The following NPAS3 variants were observed in gnomAD, a reference collection of about 807,000 sequenced individuals.
NPAS3 encodes neuronal PAS domain protein 3, also known as neuronal PAS domain-containing protein 3.
Under a neutral mutation model 73.1 loss-of-function variants are expected in NPAS3, and 14 were observed. The observed-to-expected ratio is 0.19, with a 90% CI of 0.13 to 0.30. The LOEUF (loss-of-function observed/expected upper bound fraction) is 0.30, where lower values mean the gene tolerates loss of function less well. Among genes scored for constraint, NPAS3 ranks in the 10% least tolerant of loss-of-function variants. The pLI, the probability that NPAS3 is intolerant of heterozygous loss-of-function variation, is 1.00. For missense variants in NPAS3, 1,096 were observed against 1,250.0 expected (o/e 0.88, Z 1.86); for synonymous variants, 620 against 541.5 (o/e 1.14, Z -2.01).
At chr14:33,082,816 G>A (rs947631959) in intron 2 of NPAS3, among the ~76,000 whole-genome samples, 1 of 152,088 alleles carries the variant, frequency 6.6e-6, no homozygotes, top group Non-Finnish European at 1.5e-5. Flanking sequence ...TTAATGCCCG[G>A]TTGTATTTAA....
chr14:33,233,354 A>G lies in NPAS3; in HGVS notation c.385+17928A>G, dbSNP rs555703307. 4.6e-5 allele frequency among the ~76,000 whole-genome samples: 7 copies of G among 152,278 alleles called. No homozygotes were observed. The South Asian group carries it at 1.5e-3, about 32-fold the overall frequency. On this transcript the variant is annotated intron_variant, in intron 3 of 11. Transcript: ENST00000356141. ...GTGGAAATTGAGGGAAAAGCACCTG[A>G]CTGGAAGTACTTTTAACTATATTAT...
chr14:33,439,448 C>A (rs2049137963), intron 4 of NPAS3, among the ~76,000 whole-genome samples: 1 of 152,214 alleles, frequency 6.6e-6, no homozygotes, highest in African/African-American at 2.4e-5. Context: ...ATTCTCTTCA[C>A]CATGGTCATA....
chr14:33,087,376 C>T (rs1384285154), intron 2 of NPAS3, among the ~76,000 whole-genome samples: 5 of 151,530 alleles, frequency 3.3e-5, no homozygotes, highest in Non-Finnish European at 2.9e-5. Flanking sequence ...TAATTTGATA[C>T]AGGATATTTG....
intron 2 of NPAS3, among the ~76,000 whole-genome samples, chr14:33,140,237 G>A (rs1205448914): frequency 1.3e-5 from 2 of 151,930 alleles, no homozygotes; most frequent in East Asian, 3.9e-4. Flanking sequence ...ACGAAAATGA[G>A]GAAAAACAAG....
intron 4 of NPAS3, among the ~76,000 whole-genome samples, chr14:33,549,142 A>AC (rs2054988148): frequency 6.6e-6 from 1 of 152,218 alleles, no homozygotes; most frequent in Admixed American, 6.5e-5. Flanking sequence ...GCTTTTTGAT[A>AC]CCCACAATCT....
At chr14:33,125,301 CG>C (rs956298616) in intron 2 of NPAS3, among the ~76,000 whole-genome samples, 2 of 151,932 alleles carry the variant, frequency 1.3e-5, no homozygotes, top group Non-Finnish European at 1.5e-5. Flanking sequence ...TGAAGTGTAA[CG>C]GAATTTATTT....
chr14:33,700,849 T>A (rs2060505744), intron 6 of NPAS3, among the ~76,000 whole-genome samples: 1 of 152,240 alleles, frequency 6.6e-6, no homozygotes, highest in African/African-American at 2.4e-5. Context: ...ACCACACGTT[T>A]AAACCCAGTG....
chr14:32,935,905 C>A (rs2035680970), upstream of NPAS3, among the ~76,000 whole-genome samples: 1 of 152,138 alleles, frequency 6.6e-6, no homozygotes, highest in African/African-American at 2.4e-5. Context: ...GTAAACTCCC[C>A]ATTTGTGGGG....
intron 3 of NPAS3, among the ~76,000 whole-genome samples, chr14:33,344,601 TG>T (rs1291001863): frequency 1.4e-4 from 21 of 152,250 alleles, no homozygotes; most frequent in African/African-American, 4.6e-4. Context: ...GCTTATGGAA[TG>T]ACATTCTATA....
intron 1 of NPAS3, among the ~76,000 whole-genome samples, chr14:32,964,765 C>T (rs1015799375): frequency 6.6e-6 from 1 of 151,568 alleles, no homozygotes; most frequent in Non-Finnish European, 1.5e-5. Context: ...TTGCCTGAAG[C>T]TGGGTTCAAG....
At chr14:33,469,625 T>C (rs537187827) in intron 4 of NPAS3, among the ~76,000 whole-genome samples, 1 of 152,274 alleles carries the variant, frequency 6.6e-6, no homozygotes, top group South Asian at 2.1e-4. Flanking sequence ...ATGTTCTTCT[T>C]TATAGCATGG....
At chr14:33,219,549 A>G (rs2139700203) in intron 3 of NPAS3, among the ~76,000 whole-genome samples, 2 of 152,328 alleles carry the variant, frequency 1.3e-5, no homozygotes, top group South Asian at 4.1e-4. Context: ...AAATTGACTG[A>G]ACACATTAGG....
rs76141817 is a variant in NPAS3, at chr14:33,553,698, G to A, written c.469-6423G>A. 4.4e-3 allele frequency among the ~76,000 whole-genome samples: 672 copies of A among 152,282 alleles called. 9 individuals are homozygous for A. The highest frequency in any genetic ancestry group is 0.015 in the African/African-American group (613 of 41,548). ...GTTAAATAAAGCCTAAACCTTTGAT[G>A]TGTGTGCTTTTATCCACTTTGAGAA... On this transcript the variant is annotated intron_variant, in intron 4 of 11. Coordinates refer to ENST00000356141, the Ensembl canonical transcript of NPAS3.
chr14:33,503,093 A>G (rs1485532451), intron 4 of NPAS3, among the ~76,000 whole-genome samples: 4 of 152,128 alleles, frequency 2.6e-5, no homozygotes, highest in Middle Eastern at 3.4e-3. Flanking sequence ...TTAAATTTCT[A>G]CAGTAATCAG....
intron 2 of NPAS3, among the ~76,000 whole-genome samples, chr14:33,146,676 C>T (rs548867973): frequency 1.3e-5 from 2 of 152,312 alleles, no homozygotes; most frequent in South Asian, 2.1e-4. Flanking sequence ...TCTTATTCAC[C>T]TTTGCAGTAC....
At chr14:33,144,402 T>C (rs1337381879) in intron 2 of NPAS3, among the ~76,000 whole-genome samples, 1 of 152,238 alleles carries the variant, frequency 6.6e-6, no homozygotes, top group Non-Finnish European at 1.5e-5. Flanking sequence ...TTACAATTTT[T>C]AAATTTTGAT....
intron 3 of NPAS3, among the ~76,000 whole-genome samples, chr14:33,220,838 T>G (rs2047397196): frequency 1.3e-5 from 2 of 152,256 alleles, no homozygotes; most frequent in Admixed American, 1.3e-4. Flanking sequence ...TTTCAGTGCA[T>G]CTGGTACAAC....
chr14:33,074,885 A>T (rs770313786), intron 2 of NPAS3, among the ~76,000 whole-genome samples: 2 of 152,200 alleles, frequency 1.3e-5, no homozygotes, highest in Non-Finnish European at 2.9e-5. Flanking sequence ...ATGAACTACA[A>T]GATTCACACT....
chr14:33,775,609 A>T (rs2062788690), intron 8 of NPAS3, among the ~76,000 whole-genome samples: 1 of 152,210 alleles, frequency 6.6e-6, no homozygotes, highest in African/African-American at 2.4e-5. Flanking sequence ...ACCCTGGGAA[A>T]AGATAACCCA....
Sources: allele counts gnomAD v4.1 joint callset (sites outside exome capture counted in the v4.1 genomes callset), GRCh38; gene constraint gnomAD v4.1.1; transcripts MANE v1.5; gene names NCBI Gene and HGNC (gene_info 2026-07-23, HGNC 2026-07-21).